Variants in SLC6A19 observed in about 807,000 individuals in gnomAD.
SLC6A19 encodes sodium-dependent neutral amino acid transporter B(0)AT1.
A neutral mutation model predicts 68.3 loss-of-function variants in SLC6A19; 67 were observed. The ratio of observed to expected loss-of-function variants is 0.98; its 90% confidence interval spans 0.81 to 1.20. The LOEUF (loss-of-function observed/expected upper bound fraction) is 1.20, where lower values mean the gene tolerates loss of function less well. Among genes scored for constraint, SLC6A19 ranks in the 50% most tolerant of loss-of-function variants. The pLI is 0.00. For synonymous variants in SLC6A19, 392 were observed against 374.9 expected, an observed-to-expected ratio of 1.05 and a Z score of -0.53; for missense variants, 813 against 851.6, an observed-to-expected ratio of 0.95 and a Z score of 0.56.
rs372599057 is a variant in SLC6A19 at position 1,221,157 on chromosome 5, T to A, written c.1545T>A (p.Asn515Lys). 41 of 1,613,666 alleles carry A rather than the reference T, an allele frequency of 2.5e-5. No individual in the cohort carries two copies. The Admixed American group carries it at 5.7e-4, about 22-fold the overall frequency. The part of the protein sequence containing the change: ...VVYVYGVDRF[N>K]KDIEFMIGHK... ...CTGTCTCTGGCCTTGGCAGGTTCAA[T>A]AAGGACATCGAGTTCATGATCGGCC... The change falls in exon 11 of 12, where the codon AAT becomes AAA. Residue 515 changes from asparagine (N) to lysine (K), a missense_variant. By Grantham distance (94) the Asn-to-Lys change is moderately conservative. Transcript: ENST00000304460.
At position 1,201,727 on chromosome 5, in the gene SLC6A19, A is replaced by G; in HGVS notation, c.77A>G (p.Gln26Arg). Residue 26 changes from glutamine to arginine, a missense_variant, in exon 1 of 12, where the codon CAG becomes CGG. Physicochemically the swap from Gln to Arg is conservative, Grantham distance 43 (BLOSUM62 1). Coordinates refer to ENST00000304460, the MANE Select transcript of SLC6A19 (RefSeq NM_001003841.3). ...CTGGCTGAGCTGGAGACCATCGAGCAGGAGGAGGCCAGCTCCCGGCCGAAG... is the reference window on the plus strand; with the variant it reads ...CTGGCTGAGCTGGAGACCATCGAGCGGGAGGAGGCCAGCTCCCGGCCGAAG... ...PSLAELETIE[Q>R]EEASSRPKWD... 1 of 1,612,602 alleles carries G rather than the reference A, an allele frequency of 6.2e-7. No individual in the cohort carries two copies. Among genetic ancestry groups the G allele is most frequent in the Non-Finnish European group, 8.5e-7 (1 of 1,179,896 alleles).
chr5:1,202,391 C>T (rs1052927465), intron 1 of SLC6A19, among the ~76,000 whole-genome samples: 1 of 152,182 alleles, frequency 6.6e-6, no homozygotes, highest in Non-Finnish European at 1.5e-5. Context: ...CCGCTGTGCC[C>T]ACCCAACACA....
At chr5:1,213,389 C>A (rs1746105121) in intron 4 of SLC6A19, 74 bp from the exon 5 acceptor site, 1 of 465,092 alleles carries the variant, frequency 2.2e-6, no homozygotes, top group East Asian at 4.8e-5. Context: ...ATATGCCCCG[C>A]CCCCACGTGC....
rs1746512706 is a variant in SLC6A19 at position 1,225,066 on chromosome 5, A to G, written c.*3162A>G. The G allele has an allele frequency of 5.8e-6, 1 of 171,724 alleles. No individual in the cohort carries two copies. Among genetic ancestry groups the G allele is most frequent in the African/African-American group, 2.4e-5 (1 of 41,598 alleles). The allele number at this position is 171,724 out of a possible 1,614,324, so 10.6% of individuals were successfully genotyped here. On this transcript the variant is annotated 3_prime_UTR_variant, in exon 12 of 12. Transcript: ENST00000304460. ...AGTGACAGAGTGACAATCTATAAGT[A>G]TCTCAAGATCAAATGGTTAAATAAA...
At position 1,223,941 on chromosome 5, in the gene SLC6A19, G is replaced by C. The variant is rs1030752103; in HGVS notation, c.*2037G>C. 6.6e-6 allele frequency: 1 copy of C among 152,284 alleles called. No individual in the cohort carries two copies. The highest frequency in any genetic ancestry group is 1.5e-5 in the Non-Finnish European group (1 of 68,060). The allele number at this position is 152,284 out of a possible 1,614,324, so 9.4% of individuals were successfully genotyped here. A position where few individuals can be genotyped will look rare whatever the true frequency, so the allele number is the denominator to read the frequency against. ...TGTCACTGGGCCCTGGGATGCGCAA[G>C]ACTCCACAGCAGCAGAGGTGGGGGG... is the stretch of plus-strand genomic sequence containing the variant. On this transcript the variant is annotated 3_prime_UTR_variant, in exon 12 of 12. Coordinates refer to ENST00000304460, the MANE Select transcript of SLC6A19 (RefSeq NM_001003841.3).
chr5:1,216,075 G>T (rs1177901668), intron 6 of SLC6A19, among the ~76,000 whole-genome samples: 2 of 152,168 alleles, frequency 1.3e-5, no homozygotes, highest in Non-Finnish European at 2.9e-5. Flanking sequence ...GGTCAGGGAG[G>T]TCAGGGCTTG....
rs905741990 is a variant in SLC6A19 at position 1,219,577 on chromosome 5, T to C, written c.1451T>C (p.Leu484Pro). Residue 484 changes from leucine to proline, a missense_variant, in exon 10 of 12, where the codon CTG (leucine) becomes CCG (proline). Physicochemically the swap from Leu to Pro is moderately conservative, Grantham distance 98. Transcript: ENST00000304460. ...TLNSGQYWLS[L>P]LDSYAGSIPL... ...AACTCCGGCCAGTACTGGCTCTCCC[T>C]GCTGGACAGCTATGCCGGCTCCATT... 10 of 1,612,160 alleles carry C rather than the reference T, an allele frequency of 6.2e-6. No homozygotes were observed. Among genetic ancestry groups the C allele is most frequent in the Non-Finnish European group, 8.5e-6 (10 of 1,180,034 alleles).
At chr5:1,211,208 G>A (rs2126500825) in intron 3 of SLC6A19, among the ~76,000 whole-genome samples, 1 of 152,340 alleles carries the variant, frequency 6.6e-6, no homozygotes, top group Admixed American at 6.5e-5. Flanking sequence ...TGGCCCCTGG[G>A]GTTGGAATAA....
chr5:1,208,345 C>T (rs1393719236), intron 1 of SLC6A19, among the ~76,000 whole-genome samples: 5 of 152,130 alleles, frequency 3.3e-5, no homozygotes, highest in African/African-American at 9.7e-5. Context: ...CTGTTGGAAG[C>T]CCCTGGCTGG....
In SLC6A19 at chr5:1,222,026, AGTGT is replaced by A; in HGVS notation, c.*127_*130del. The A allele has an allele frequency of 9.1e-7, 1 of 1,099,352 alleles. No homozygotes were observed. The allele number at this position is 1,099,352 out of a possible 1,614,324, so 68.1% of individuals were successfully genotyped here. Reference sequence around the variant, plus strand: ...AAGCGTGAGTGTATGCTCGTGTGTGAGTGTGTGTATTGTACACGCATGTGCCATG... The same window carrying A: ...AAGCGTGAGTGTATGCTCGTGTGTGAGTGTATTGTACACGCATGTGCCATG... On this transcript the variant is annotated 3_prime_UTR_variant, in exon 12 of 12. Transcript: ENST00000304460.
intron 8 of SLC6A19, among the ~76,000 whole-genome samples, chr5:1,217,313 T>C (rs934642544): frequency 6.6e-6 from 1 of 152,250 alleles, no homozygotes; most frequent in Non-Finnish European, 1.5e-5. Flanking sequence ...TAGCTGTTTT[T>C]GAACCTGTGA....
chr5:1,216,845 A>G lies in SLC6A19; in HGVS notation c.1073A>G (p.Glu358Gly). Residue 358 changes from glutamate to glycine, a missense_variant, in exon 8 of 12, where the codon GAG becomes GGG. Glu to Gly is a moderately conservative substitution (Grantham distance 98). Transcript: ENST00000304460. ...CTGCCTGAAGGCAACGTGACCCAGG[A>G]GAACTTTGTGGACATGCAGCAGCGG... ...FDLPEGNVTQ[E>G]NFVDMQQRCN... 1 of 1,613,818 alleles carries G rather than the reference A, an allele frequency of 6.2e-7. No individual in the cohort carries two copies. The highest frequency in any genetic ancestry group is 2.2e-5 in the East Asian group (1 of 44,886).
chr5:1,210,483 A>G lies in SLC6A19; in HGVS notation c.383A>G (p.Tyr128Cys), dbSNP rs1181044286. ...SMLTSFMVGL[Y>C]YNTIISWIMW... ...CTCACGTCCTTCATGGTGGGACTGTATTACAACACCATCATCTCCTGGATC... is the reference window on the plus strand; with the variant it reads ...CTCACGTCCTTCATGGTGGGACTGTGTTACAACACCATCATCTCCTGGATC... Residue 128 changes from tyrosine to cysteine, a missense_variant, in exon 3 of 12, where the codon TAT becomes TGT. By Grantham distance (194) the Tyr-to-Cys change is radical. Coordinates refer to ENST00000304460, the MANE Select transcript of SLC6A19 (RefSeq NM_001003841.3). 6.2e-7 allele frequency: 1 copy of G among 1,613,298 alleles called. No homozygotes were observed. Among genetic ancestry groups the G allele is most frequent in the Non-Finnish European group, 8.5e-7 (1 of 1,180,016 alleles).
intron 9 of SLC6A19, 38 bp downstream of exon 9, chr5:1,219,145 T>A: frequency 2.5e-6 from 4 of 1,575,508 alleles, no homozygotes; most frequent in Non-Finnish European, 3.4e-6. Context: ...ATGGCAATGG[T>A]GCCACCTGTG....
In SLC6A19 at chr5:1,222,795, G is replaced by T. The variant is rs1746433054; in HGVS notation, c.*891G>T. 6.5e-6 allele frequency: 1 copy of T among 152,784 alleles called. No homozygotes were observed. Among genetic ancestry groups the T allele is most frequent in the Non-Finnish European group, 1.5e-5 (1 of 68,436 alleles). The allele number at this position is 152,784 out of a possible 1,614,324, so 9.5% of individuals were successfully genotyped here. A position where few individuals can be genotyped will look rare whatever the true frequency, so the allele number is the denominator to read the frequency against. On this transcript the variant is annotated 3_prime_UTR_variant, in exon 12 of 12. Transcript: ENST00000304460. ...CCAGCTGCCCTCTGTGTTTGTCCTT[G>T]CCACAGTCACGGGGTGCATGTGCAG...
intron 1 of SLC6A19, among the ~76,000 whole-genome samples, chr5:1,205,808 G>A (rs529504795): frequency 2.0e-5 from 3 of 152,320 alleles, no homozygotes; most frequent in East Asian, 3.9e-4. Context: ...TTAACCTAAT[G>A]AGCAGGCCCT....
chr5:1,219,655 G>A lies in SLC6A19; in HGVS notation c.1529G>A (p.Gly510Asp). 6.2e-7 allele frequency: 1 copy of A among 1,605,190 alleles called. No individual in the cohort carries two copies. Among genetic ancestry groups the A allele is most frequent in the African/African-American group, 1.3e-5 (1 of 75,050 alleles). The change falls in exon 10 of 12, where the codon GGT becomes GAT. Residue 510 changes from glycine to aspartate, a missense_variant. Gly to Asp is a moderately conservative substitution (Grantham distance 94, BLOSUM62 -1). Coordinates refer to ENST00000304460, the MANE Select transcript of SLC6A19 (RefSeq NM_001003841.3). ...CEMFSVVYVY[G>D]VDRFNKDIEF... ...ATGTTCTCTGTGGTCTACGTGTACGGTGTGGACAGGTAGGGGCCACGGTGG... is the reference window on the plus strand; with the variant it reads ...ATGTTCTCTGTGGTCTACGTGTACGATGTGGACAGGTAGGGGCCACGGTGG...
chr5:1,204,577 G>C (rs1158216718), intron 1 of SLC6A19, among the ~76,000 whole-genome samples: 1 of 152,214 alleles, frequency 6.6e-6, no homozygotes, highest in Non-Finnish European at 1.5e-5. Flanking sequence ...ACGCATTCAT[G>C]CCCACCTGTG....
chr5:1,213,612 G>A, intron 5 of SLC6A19, 39 bp downstream of exon 5: 1 of 1,567,816 alleles, frequency 6.4e-7, no homozygotes, highest in Non-Finnish European at 8.7e-7. Flanking sequence ...GACCCCGGGA[G>A]AGGCCTGGCT....
Sources: gnomAD v4.1 joint callset for allele counts (sites outside exome capture counted in the v4.1 genomes callset) on GRCh38, gnomAD v4.1.1 for gene constraint, MANE v1.5 for transcripts, NCBI Gene and HGNC (gene_info 2026-07-23, HGNC 2026-07-21) for gene names.